AMPD1: variants seen among roughly 807,000 people sequenced by gnomAD.
AMPD1 encodes AMP deaminase 1.
Under a neutral mutation model 82.9 loss-of-function variants are expected in AMPD1, and 74 were observed. The observed-to-expected ratio is 0.89, with a 90% CI of 0.74 to 1.08. AMPD1 has a LOEUF of 1.08. Ranked by LOEUF, AMPD1 falls within the 50% of genes least tolerant of loss-of-function variation. The probability of loss-of-function intolerance (pLI) is 0.00; values close to 1 mark genes in which losing one functional copy is unlikely to be tolerated. For missense variants in AMPD1, 881 were observed against 924.5 expected (o/e 0.95, Z 0.61); for synonymous variants, 333 against 320.5 (o/e 1.04, Z -0.42).
At chr1:114,674,713 G>A (rs1657928732) in intron 13 of AMPD1, 39 bp downstream of exon 13, 1 of 1,603,578 alleles carries the variant, frequency 6.2e-7, no homozygotes. Context: ...GATTCCTCTA[G>A]CTCCAATGTA....
rs768505597 is a variant in AMPD1, at chr1:114,673,570, A to G, written c.2085+69T>C. The G allele has an allele frequency of 5.1e-5, 65 of 1,270,592 alleles. No homozygotes were observed. In the Middle Eastern group the frequency reaches 3.1e-3, roughly 61 times the overall value. The allele number at this position is 1,270,592 out of a possible 1,614,324, so 78.7% of individuals were successfully genotyped here. On this transcript the variant is annotated intron_variant, in intron 15 of 15. Coordinates refer to ENST00000520113, the MANE Select transcript of AMPD1 (RefSeq NM_000036.3). The stretch of plus-strand genomic sequence containing the variant: ...ACAATTTTTCTACATGTGTTTCCCA[A>G]CTACTTTTTCGGTATTCAAGTTAGC...
chr1:114,674,789 A>G lies in AMPD1; in HGVS notation c.1763T>C (p.Ile588Thr), dbSNP rs1169137905. 1 of 1,613,230 alleles carries G rather than the reference A, an allele frequency of 6.2e-7. No individual in the cohort carries two copies. Among genetic ancestry groups the G allele is most frequent in the Non-Finnish European group, 8.5e-7 (1 of 1,179,148 alleles). Residue 588 changes from isoleucine (I) to threonine (T), a missense_variant, in exon 13 of 16, where the codon ATA becomes ACA. By Grantham distance (89) the Ile-to-Thr change is moderately conservative. Transcript: ENST00000520113. ...ALTHLMTAFM[I>T]ADDISHGLNL... Reference sequence around the variant, plus strand: ...TAGGCCATGAGAGATATCATCTGCTATCATGAATGCTGTCATGAGATGGGT... The same window carrying G: ...TAGGCCATGAGAGATATCATCTGCTGTCATGAATGCTGTCATGAGATGGGT...
chr1:114,683,410 G>GT, intron 5 of AMPD1, among the ~76,000 whole-genome samples: 1 of 152,230 alleles, frequency 6.6e-6, no homozygotes, highest in East Asian at 1.9e-4. Context: ...AGCAGAGAAA[G>GT]TAAGTTCAGA....
chr1:114,673,478 G>A (rs1257873922), intron 15 of AMPD1, among the ~76,000 whole-genome samples, 161 bp downstream of exon 15: 1 of 151,998 alleles, frequency 6.6e-6, no homozygotes, highest in African/African-American at 2.4e-5. Context: ...GGCCCAAAAG[G>A]CACAGGCAAA....
chr1:114,686,918 C>T lies in AMPD1; in HGVS notation c.216-8G>A, dbSNP rs762655218. 1.7e-5 allele frequency: 28 copies of T among 1,613,922 alleles called. No homozygotes were observed. The highest frequency in any genetic ancestry group is 8.9e-5 in the East Asian group (4 of 44,880). On this transcript the variant is annotated splice_region_variant and splice_polypyrimidine_tract_variant and intron_variant, in intron 3 of 15. Coordinates refer to ENST00000520113, the MANE Select transcript of AMPD1 (RefSeq NM_000036.3). ...CCTTGGAAACGCTTTTTTCTGGGTT[C>T]GAAATTTAAAAGTAAGAGTTAATTT...
Position 114,673,784 on chromosome 1 carries a change from GAATT to G in AMPD1, c.1975-39_1975-36del, listed in dbSNP as rs781619452. The G allele has an allele frequency of 3.2e-6, 5 of 1,578,302 alleles. No individual in the cohort carries two copies. In the South Asian group the frequency reaches 5.5e-5, roughly 17 times the overall value. The stretch of plus-strand genomic sequence containing the variant: ...TATTAAATGAGGAAAAAAGAGGAGT[GAATT>G]AATAAATAATATGCATCCTGCCTGA... On this transcript the variant is annotated intron_variant, in intron 14 of 15. Coordinates refer to ENST00000520113, the MANE Select transcript of AMPD1 (RefSeq NM_000036.3).
chr1:114,678,903 T>G (rs931234829), intron 7 of AMPD1, among the ~76,000 whole-genome samples: 3 of 152,340 alleles, frequency 2.0e-5, no homozygotes, highest in African/African-American at 7.2e-5. Flanking sequence ...TATGAAGCCA[T>G]GACACAGTGA....
At chr1:114,685,612 G>A (rs916977733) in intron 4 of AMPD1, among the ~76,000 whole-genome samples, 4 of 152,258 alleles carry the variant, frequency 2.6e-5, no homozygotes, top group Non-Finnish European at 4.4e-5. Flanking sequence ...TTCACAGGAG[G>A]AGAAGTACTC....
intron 5 of AMPD1, among the ~76,000 whole-genome samples, chr1:114,682,629 A>C (rs956014816): frequency 1.3e-5 from 2 of 149,618 alleles, no homozygotes; most frequent in Non-Finnish European, 3.0e-5. Flanking sequence ...CCCAGGCTGG[A>C]GTGCAGTGGC....
Position 114,677,952 on chromosome 1 carries a change from T to C in AMPD1, c.1182A>G (p.Thr394=), listed in dbSNP as rs1440237871. 1 of 1,613,928 alleles carries C rather than the reference T, an allele frequency of 6.2e-7. No homozygotes were observed. Among genetic ancestry groups the C allele is most frequent in the Non-Finnish European group, 8.5e-7 (1 of 1,180,010 alleles). ...ASELRDLYLK[T]DNYINGEYFA... ...AATATTCCCCATTAATGTAATTGTC[T>C]GTCTTCAAGTAGAGGTCCCGTAGCT... Residue 394 remains threonine, a synonymous_variant, in exon 9 of 16, where the codon ACA becomes ACG. Transcript: ENST00000520113.
intron 4 of AMPD1, among the ~76,000 whole-genome samples, chr1:114,685,833 G>A (rs1383343874): frequency 6.6e-6 from 1 of 152,156 alleles, no homozygotes; most frequent in East Asian, 1.9e-4. Flanking sequence ...CATTTAGAGA[G>A]CACCCATGTT....
chr1:114,683,015 G>A, intron 5 of AMPD1: 1 of 275,332 alleles, frequency 3.6e-6, no homozygotes, highest in South Asian at 3.4e-5. Flanking sequence ...TAAAAAGTCA[G>A]AAATTTAATT....
At chr1:114,684,420 G>A (rs770577490) in intron 4 of AMPD1, 56 bp from the exon 5 acceptor site, 2 of 1,585,608 alleles carry the variant, frequency 1.3e-6, no homozygotes, top group Non-Finnish European at 1.7e-6. Flanking sequence ...AAACTGAGAA[G>A]TGAGTAAAGC....
At chr1:114,679,839 T>C (rs1658104242) in intron 6 of AMPD1, 131 bp from the exon 7 acceptor site, 21 of 1,111,468 alleles carry the variant, frequency 1.9e-5, no homozygotes, top group Non-Finnish European at 2.6e-5. Flanking sequence ...TAGTTTACTC[T>C]GCAGTTAATC....
chr1:114,691,814 A>G (rs922158505), intron 2 of AMPD1, among the ~76,000 whole-genome samples: 1 of 151,790 alleles, frequency 6.6e-6, no homozygotes, highest in Non-Finnish European at 1.5e-5. Context: ...AATCCCAGCT[A>G]CTCCAGAGGC....
chr1:114,688,459 C>T, intron 3 of AMPD1, 102 bp downstream of exon 3: 1 of 1,367,632 alleles, frequency 7.3e-7, no homozygotes, highest in African/African-American at 1.4e-5. Context: ...AGAGTTCTTC[C>T]TCTGAGTTGA....
chr1:114,678,101 C>A, intron 8 of AMPD1, 60 bp from the exon 9 acceptor site: 3 of 1,606,518 alleles, frequency 1.9e-6, no homozygotes, highest in Non-Finnish European at 2.6e-6. Context: ...ACAGAGAGAG[C>A]TAGGAAATAG....
intron 4 of AMPD1, among the ~76,000 whole-genome samples, chr1:114,685,451 A>T (rs1186735211): frequency 2.6e-5 from 4 of 152,184 alleles, no homozygotes; most frequent in Admixed American, 6.5e-5. Context: ...CTCTGTTTAA[A>T]TTACTAGGGT....
At chr1:114,674,607 G>A in intron 13 of AMPD1, 145 bp downstream of exon 13, 1 of 939,258 alleles carries the variant, frequency 1.1e-6, no homozygotes, top group Non-Finnish European at 1.6e-6. Flanking sequence ...TCTGTAGAAT[G>A]AACTGCACTA....
Sources: gnomAD v4.1 joint callset for allele counts (sites outside exome capture counted in the v4.1 genomes callset) on GRCh38, gnomAD v4.1.1 for gene constraint, MANE v1.5 for transcripts, NCBI Gene and HGNC (gene_info 2026-07-23, HGNC 2026-07-21) for gene names.